PRKCH: variants seen among roughly 807,000 people sequenced by gnomAD.
PRKCH encodes protein kinase C eta.
In PRKCH, 28 loss-of-function variants were observed where a neutral mutation model predicts 82.5. The ratio of observed to expected loss-of-function variants is 0.34; its 90% CI spans 0.25 to 0.47. The LOEUF is 0.47. Ranked by LOEUF, PRKCH falls within the 20% of genes least tolerant of loss-of-function variation. The pLI is 1.00. For synonymous variants in PRKCH, 322 were observed against 327.4 expected (o/e 0.98, Z 0.18); for missense variants, 705 against 881.8 (o/e 0.80, Z 2.54).
intron 2 of PRKCH, among the ~76,000 whole-genome samples, chr14:61,416,082 G>T (rs558250628): frequency 7.6e-6 from 1 of 131,304 alleles, no homozygotes; most frequent in African/African-American, 2.8e-5. Flanking sequence ...TTTGAGACGG[G>T]GTGTCACTGT....
At chr14:61,236,436 G>A (rs545344387) in intron 1 of PRKCH, among the ~76,000 whole-genome samples, 5 of 151,994 alleles carry the variant, frequency 3.3e-5, no homozygotes, top group Admixed American at 6.6e-5. Context: ...TCCACCGGGC[G>A]CAGTAGCTCA....
At chr14:61,359,494 A>G (rs1159520526) in intron 1 of PRKCH, among the ~76,000 whole-genome samples, 2 of 152,244 alleles carry the variant, frequency 1.3e-5, no homozygotes, top group Admixed American at 1.3e-4. Context: ...CTATTTGCAT[A>G]AGCACTTCCC....
At chr14:61,535,188 T>G (rs188151695) in intron 12 of PRKCH, among the ~76,000 whole-genome samples, 2 of 152,214 alleles carry the variant, frequency 1.3e-5, no homozygotes, top group African/African-American at 4.8e-5. Flanking sequence ...ATAGCAGGCA[T>G]GGGTTCTGCA....
intron 1 of PRKCH, among the ~76,000 whole-genome samples, chr14:61,270,851 G>A (rs1309959005): frequency 6.6e-6 from 1 of 152,198 alleles, no homozygotes; most frequent in African/African-American, 2.4e-5. Context: ...GCATGTGCCT[G>A]TAGTTCATGC....
intron 1 of PRKCH, among the ~76,000 whole-genome samples, chr14:61,199,702 C>T (rs1402572215): frequency 6.6e-6 from 1 of 152,122 alleles, no homozygotes; most frequent in Admixed American, 6.5e-5. Context: ...ACACCATTCG[C>T]ATTGTTGGAA....
chr14:61,521,350 T>G (rs951567563), intron 10 of PRKCH, among the ~76,000 whole-genome samples: 2 of 152,152 alleles, frequency 1.3e-5, no homozygotes, highest in Non-Finnish European at 2.9e-5. Flanking sequence ...AGAAATACCA[T>G]TATTTATTTA....
In PRKCH at chr14:61,445,698, G is replaced by A; in HGVS notation, c.585G>A (p.Val195=). Residue 195 remains valine (V), a synonymous_variant, in exon 4 of 14, where the codon GTG becomes GTA. Transcript: ENST00000332981. Reference sequence around the variant, plus strand: ...GTTTTCTTCTCTTCAACAGGGGAGTGTTTGGGAAACAGGGTTATCAGTGCC... The same window carrying A: ...GTTTTCTTCTCTTCAACAGGGGAGTATTTGGGAAACAGGGTTATCAGTGCC... ...CSHCREFIWG[V]FGKQGYQCQV... is the part of the protein sequence containing the mutation. 6.2e-7 allele frequency: 1 copy of A among 1,609,890 alleles called. No homozygotes were observed. The highest frequency in any genetic ancestry group is 8.5e-7 in the Non-Finnish European group (1 of 1,176,146).
chr14:61,391,124 G>T, intron 1 of PRKCH, 101 bp from the exon 2 acceptor site: 1 of 882,312 alleles, frequency 1.1e-6, no homozygotes. Context: ...TTGATTTGTG[G>T]CTGTGATTTA....
chr14:61,497,631 G>T (rs1165998880), intron 10 of PRKCH, among the ~76,000 whole-genome samples: 1 of 152,124 alleles, frequency 6.6e-6, no homozygotes, highest in Non-Finnish European at 1.5e-5. Flanking sequence ...GCCCCTTTCA[G>T]TTAGTCCCCA....
chr14:61,537,105 C>T (rs2043120610), intron 12 of PRKCH, among the ~76,000 whole-genome samples: 1 of 152,166 alleles, frequency 6.6e-6, no homozygotes, highest in Admixed American at 6.5e-5. Context: ...ACTTTATATG[C>T]ACCCAAATAG....
At chr14:61,352,435 G>A (rs938476611) in intron 1 of PRKCH, among the ~76,000 whole-genome samples, 1 of 152,234 alleles carries the variant, frequency 6.6e-6, no homozygotes, top group Middle Eastern at 3.4e-3. Context: ...GGCCGAGGCA[G>A]ATGGATCATT....
At chr14:61,250,806 G>T (rs2044939099) in intron 1 of PRKCH, among the ~76,000 whole-genome samples, 1 of 152,056 alleles carries the variant, frequency 6.6e-6, no homozygotes, top group East Asian at 1.9e-4. Flanking sequence ...TGTTAGTGGG[G>T]GAGGTTGTAG....
At chr14:61,448,600 A>C (rs770781861) in intron 4 of PRKCH, among the ~76,000 whole-genome samples, 15 of 152,202 alleles carry the variant, frequency 9.9e-5, no homozygotes, top group Non-Finnish European at 1.8e-4. Flanking sequence ...GAGTATTTTC[A>C]TGGAAGAGAC....
At chr14:61,188,598 G>GTGTC (rs1212950113) in intron 1 of PRKCH, among the ~76,000 whole-genome samples, 1,315 of 71,716 alleles carry the variant, frequency 0.018, 250 homozygotes, top group Non-Finnish European at 0.026. Context: ...TCGGGGGGGT[G>GTGTC]GGGGGGTGGT....
In PRKCH at chr14:61,322,303, TACA is replaced by T; in HGVS notation, c.205_207del (p.Asn69del). The T allele has an allele frequency of 6.2e-7, 1 of 1,613,128 alleles. No individual in the cohort carries two copies. Among genetic ancestry groups the T allele is most frequent in the Non-Finnish European group, 8.5e-7 (1 of 1,179,834 alleles). ...CAAGCAGAAGACCAACAAACCCACG[TACA>T]ACGAGGAGTTTTGCGCTAACGTCAC... On this transcript the variant is annotated inframe_deletion, in exon 1 of 14. Transcript: ENST00000332981.
At chr14:61,463,172 A>G (rs973271337) in intron 9 of PRKCH, 1 of 152,180 alleles carries the variant, frequency 6.6e-6, no homozygotes, top group Non-Finnish European at 1.5e-5. Flanking sequence ...TAAAATGAAA[A>G]CAGGATCGCT....
intron 1 of PRKCH, among the ~76,000 whole-genome samples, chr14:61,246,746 G>T (rs1268725112): frequency 6.6e-6 from 1 of 152,016 alleles, no homozygotes; most frequent in Admixed American, 6.6e-5. Flanking sequence ...ATGTGTGTGT[G>T]TATTTATTTA....
intron 1 of PRKCH, among the ~76,000 whole-genome samples, chr14:61,201,234 T>C (rs1259397960): frequency 6.6e-6 from 1 of 152,210 alleles, no homozygotes; most frequent in Non-Finnish European, 1.5e-5. Flanking sequence ...ACTGTGCTAA[T>C]GCTTTATAGA....
At chr14:61,392,762 A>G (rs1313148423) in intron 2 of PRKCH, among the ~76,000 whole-genome samples, 1 of 151,080 alleles carries the variant, frequency 6.6e-6, no homozygotes, top group Non-Finnish European at 1.5e-5. Context: ...TGTTAATCTC[A>G]TCTTTTGTAG....
Sources: allele counts gnomAD v4.1 joint callset (sites outside exome capture counted in the v4.1 genomes callset), GRCh38; gene constraint gnomAD v4.1.1; transcripts MANE v1.5; gene names NCBI Gene and HGNC (gene_info 2026-07-23, HGNC 2026-07-21).